ZBED4: variants seen among roughly 807,000 people sequenced by gnomAD.
ZBED4 encodes zinc finger BED-type containing 4.
Under a neutral mutation model 15.5 loss-of-function variants are expected in ZBED4, and 4 were observed. That is an observed-to-expected ratio of 0.26 (90% CI 0.13 to 0.59). The LOEUF is 0.59. Among genes scored for constraint, ZBED4 ranks in the 20% least tolerant of loss-of-function variants. The probability of loss-of-function intolerance (pLI) is 0.90; values close to 1 mark genes in which losing one functional copy is unlikely to be tolerated. For missense variants in ZBED4, 1,323 were observed against 1,461.8 expected (o/e 0.91, Z 1.55); for synonymous variants, 692 against 608.5 (o/e 1.14, Z -2.02).
At chr22:49,873,635 A>G (rs1346634289) in intron 1 of ZBED4, among the ~76,000 whole-genome samples, 1 of 130,896 alleles carries the variant, frequency 7.6e-6, no homozygotes, top group Non-Finnish European at 1.5e-5. Flanking sequence ...CAAACCTCCA[A>G]TTTGGGGGAA....
intron 1 of ZBED4, among the ~76,000 whole-genome samples, chr22:49,864,182 T>C (rs2060309765): frequency 6.6e-6 from 1 of 152,354 alleles, no homozygotes; most frequent in South Asian, 2.1e-4. Context: ...CGGCAGGGCG[T>C]TCACATGGGT....
At chr22:49,858,242 G>A (rs1161976204) in intron 1 of ZBED4, among the ~76,000 whole-genome samples, 2 of 152,238 alleles carry the variant, frequency 1.3e-5, no homozygotes, top group African/African-American at 4.8e-5. Flanking sequence ...TGGCTTCTGT[G>A]TGGGCAGCTG....
At chr22:49,876,434 G>A (rs1279669528) in intron 1 of ZBED4, among the ~76,000 whole-genome samples, 4 of 152,108 alleles carry the variant, frequency 2.6e-5, no homozygotes, top group Admixed American at 6.5e-5. Context: ...GCTTTGCTTC[G>A]TGGTTTTGAA....
Position 49,884,897 on chromosome 22 carries a change from C to T in ZBED4, c.1235C>T (p.Ala412Val), listed in dbSNP as rs201109219. The change falls in exon 2 of 2, where the codon GCG becomes GTG. Residue 412 changes from alanine (A) to valine (V), a missense_variant. Transcript: ENST00000216268. ...GGAGATGGGCTGATGGAAGACGTGG[C>T]GGCCTTCTCATCTTCCGATGACATA... Reference protein sequence around the residue: ...NPGDGLMEDVAAFSSSDDIGE... With the variant: ...NPGDGLMEDVVAFSSSDDIGE... 16 of 1,602,092 alleles carry T rather than the reference C, an allele frequency of 1.0e-5. 1 individual carries two copies. The Admixed American group carries it at 1.0e-4, about 10-fold the overall frequency.
At position 49,886,304 on chromosome 22, in the gene ZBED4, A is replaced by G; in HGVS notation, c.2642A>G (p.Gln881Arg). 13 of 1,542,894 alleles carry G rather than the reference A, an allele frequency of 8.4e-6. No individual in the cohort carries two copies. The highest frequency in any genetic ancestry group is 1.2e-5 in the Non-Finnish European group (13 of 1,127,652). ...AELQREYALP[Q>R]HHLIQDVPSK... Reference sequence around the variant, plus strand: ...CTGCAGAGGGAGTACGCGCTGCCTCAGCATCACCTCATCCAGGACGTCCCG... The same window carrying G: ...CTGCAGAGGGAGTACGCGCTGCCTCGGCATCACCTCATCCAGGACGTCCCG... Residue 881 changes from glutamine to arginine, a missense_variant, in exon 2 of 2, where the codon CAG (glutamine) becomes CGG (arginine). By Grantham distance (43) the Gln-to-Arg change is conservative. Transcript: ENST00000216268. The surrounding 1 kb of genome is among the most constrained non-coding windows in gnomAD (Gnocchi z 7.7).
At chr22:49,876,688 G>A (rs6009912) in intron 1 of ZBED4, among the ~76,000 whole-genome samples, 8,482 of 152,142 alleles carry the variant, frequency 0.056, 642 homozygotes, top group African/African-American at 0.17. Context: ...TGCAGCTGCA[G>A]CGTTTACCCC....
intron 1 of ZBED4, among the ~76,000 whole-genome samples, chr22:49,881,167 G>C (rs535772172): frequency 1.1e-4 from 17 of 151,964 alleles, no homozygotes; most frequent in Non-Finnish European, 2.4e-4. Flanking sequence ...CCAACATGGC[G>C]AAACCCCGTC....
intron 1 of ZBED4, among the ~76,000 whole-genome samples, chr22:49,855,692 T>G (rs941135404): frequency 2.6e-5 from 4 of 152,124 alleles, no homozygotes; most frequent in South Asian, 2.1e-4. Flanking sequence ...TCACTTTGTT[T>G]TGCGTTTTTT....
chr22:49,854,049 C>CGCCGGGGCCGG (rs1299955936), intron 1 of ZBED4, 60 bp downstream of exon 1: 4 of 145,044 alleles, frequency 2.8e-5, no homozygotes, highest in African/African-American at 9.9e-5. Context: ...CCGCGGACCG[C>CGCCGGGGCCGG]GCCGGGGCCG....
In ZBED4 at chr22:49,884,586, C is replaced by G; in HGVS notation, c.924C>G (p.His308Gln). The change falls in exon 2 of 2, where the codon CAC becomes CAG. Residue 308 changes from histidine to glutamine, a missense_variant. His to Gln is a conservative substitution (Grantham distance 24, BLOSUM62 0). Coordinates refer to ENST00000216268, the MANE Select transcript of ZBED4 (RefSeq NM_014838.3). ...ACAACTCCAAAGCTGTCTGCATTCA[C>G]TGCATGAACGAGTTCAGCCGGGGGA... ...PLDNSKAVCI[H>Q]CMNEFSRGKN... 1 of 1,612,578 alleles carries G rather than the reference C, an allele frequency of 6.2e-7. No individual in the cohort carries two copies. The highest frequency in any genetic ancestry group is 8.5e-7 in the Non-Finnish European group (1 of 1,179,200).
intron 1 of ZBED4, among the ~76,000 whole-genome samples, chr22:49,857,645 G>A (rs2060280089): frequency 6.6e-6 from 1 of 152,206 alleles, no homozygotes; most frequent in Admixed American, 6.5e-5. Context: ...AGGCTGGAGT[G>A]CAGTGTTACA....
At chr22:49,880,372 C>A in intron 1 of ZBED4, among the ~76,000 whole-genome samples, 1 of 152,242 alleles carries the variant, frequency 6.6e-6, no homozygotes, top group East Asian at 1.9e-4. Context: ...GAGGAACCTC[C>A]GCAGGTCTGC....
In ZBED4 at chr22:49,887,237, C is replaced by T; in HGVS notation, c.*59C>T. 6.5e-7 allele frequency: 1 copy of T among 1,537,732 alleles called. No individual in the cohort carries two copies. Among genetic ancestry groups the T allele is most frequent in the Non-Finnish European group, 8.8e-7 (1 of 1,135,764 alleles). On this transcript the variant is annotated 3_prime_UTR_variant, in exon 2 of 2. Transcript: ENST00000216268. The stretch of plus-strand genomic sequence containing the variant: ...GCTGCCCCAGCGTTAGCAGCCTGTA[C>T]CAGGTCTATGACCCGCTCTGCCCAC...
intron 1 of ZBED4, among the ~76,000 whole-genome samples, chr22:49,858,325 A>G (rs1430866152): frequency 6.6e-6 from 1 of 152,126 alleles, no homozygotes; most frequent in African/African-American, 2.4e-5. Flanking sequence ...GGTGAAGGCT[A>G]CTCAGGTGTA....
intron 1 of ZBED4, among the ~76,000 whole-genome samples, chr22:49,877,517 C>T (rs2060383602): frequency 6.6e-6 from 1 of 152,050 alleles, no homozygotes; most frequent in Non-Finnish European, 1.5e-5. Flanking sequence ...GTCTTGAACT[C>T]CTGACCTCGT....
At chr22:49,858,645 A>G (rs958169086) in intron 1 of ZBED4, among the ~76,000 whole-genome samples, 1 of 152,176 alleles carries the variant, frequency 6.6e-6, no homozygotes, top group Middle Eastern at 3.2e-3. Context: ...CACTTCTCTA[A>G]GTGTTCTTTC....
chr22:49,865,025 T>C (rs1200383213), intron 1 of ZBED4, among the ~76,000 whole-genome samples: 1 of 142,018 alleles, frequency 7.0e-6, no homozygotes, highest in African/African-American at 2.6e-5. Flanking sequence ...CAGTCCTAGC[T>C]CTGCAAGTGA....
chr22:49,877,443 C>A (rs1398363511), intron 1 of ZBED4, among the ~76,000 whole-genome samples: 7 of 152,128 alleles, frequency 4.6e-5, no homozygotes, highest in African/African-American at 1.7e-4. Flanking sequence ...AGATATGTAC[C>A]ACCACACCTG....
chr22:49,876,409 C>T (rs2060376627), intron 1 of ZBED4, among the ~76,000 whole-genome samples: 1 of 152,064 alleles, frequency 6.6e-6, no homozygotes, highest in African/African-American at 2.4e-5. Context: ...ACCTTGTCTC[C>T]CTTTAGTTCT....
Sources: allele counts gnomAD v4.1 joint callset (sites outside exome capture counted in the v4.1 genomes callset), GRCh38; gene constraint gnomAD v4.1.1; non-coding constraint Gnocchi (gnomAD v3.1); transcripts MANE v1.5; gene names NCBI Gene and HGNC (gene_info 2026-07-23, HGNC 2026-07-21).